HAPSTR1: variants seen among roughly 807,000 people sequenced by gnomAD.
The protein encoded by HAPSTR1 is HUWE1 associated protein modifying stress responses.
chr16:9,109,378 A>C, the HAPSTR1 span: 1 of 152,236 alleles, frequency 6.6e-6, no homozygotes, highest in East Asian at 1.9e-4. Flanking sequence ...GTCAGACTTC[A>C]CTCGGTATGT....
the HAPSTR1 span, chr16:9,091,683 G>T: frequency 8.7e-3 from 3,466 of 399,278 alleles, 100 homozygotes; most frequent in African/African-American, 0.063. Flanking sequence ...AGGCCGAGCT[G>T]CGCGGAGGGC....
chr16:9,096,558 A>G, the HAPSTR1 span, among the ~76,000 whole-genome samples: 5 of 152,192 alleles, frequency 3.3e-5, no homozygotes, highest in African/African-American at 1.2e-4. Flanking sequence ...AGAACTGAGC[A>G]TAACTGTAAA....
chr16:9,099,543 T>G, the HAPSTR1 span, among the ~76,000 whole-genome samples: 1 of 152,220 alleles, frequency 6.6e-6, no homozygotes, highest in Non-Finnish European at 1.5e-5. Context: ...GGTTAAAGGT[T>G]AGATTGACAT....
chr16:9,117,915 A>T, the HAPSTR1 span: 1 of 152,606 alleles, frequency 6.6e-6, no homozygotes, highest in Non-Finnish European at 1.5e-5. Context: ...TAATAATGTG[A>T]TTGCAACTTA....
the HAPSTR1 span, chr16:9,092,816 C>T: frequency 1.1e-5 from 14 of 1,222,748 alleles, 1 homozygote; most frequent in East Asian, 1.5e-4. Flanking sequence ...TATGGCCGTT[C>T]CGGAGTGATT....
At chr16:9,092,022 G>C in the HAPSTR1 span, 17 of 1,484,674 alleles carry the variant, frequency 1.1e-5, no homozygotes, top group African/African-American at 1.5e-5. Context: ...CGGTGGCGGC[G>C]AGGCCGCGGG....
At chr16:9,092,893 T>TTTTTTTTTTTTTTTTGG in the HAPSTR1 span, 1 of 477,090 alleles carries the variant, frequency 2.1e-6, no homozygotes, top group Admixed American at 4.7e-5. Flanking sequence ...TTCTTTTTGG[T>TTTTTTTTTTTTTTTTGG]TTTTTTTTTT....
At chr16:9,102,591 A>G in the HAPSTR1 span, among the ~76,000 whole-genome samples, 1 of 152,224 alleles carries the variant, frequency 6.6e-6, no homozygotes, top group Non-Finnish European at 1.5e-5. Flanking sequence ...TGAATCTGTC[A>G]GTAGGAATGT....
chr16:9,104,024 A>G, the HAPSTR1 span: 1 of 152,160 alleles, frequency 6.6e-6, no homozygotes, highest in East Asian at 1.9e-4. Flanking sequence ...AAGCAACAGA[A>G]TAATAAGACT....
the HAPSTR1 span, chr16:9,102,938 C>G: frequency 1.3e-6 from 2 of 1,583,176 alleles, no homozygotes; most frequent in East Asian, 2.2e-5. Flanking sequence ...GGAATACGGG[C>G]TCTAATGGTC....
At chr16:9,098,545 C>T in the HAPSTR1 span, among the ~76,000 whole-genome samples, 1 of 152,060 alleles carries the variant, frequency 6.6e-6, no homozygotes, top group South Asian at 2.1e-4. Context: ...GTTGGAGTGC[C>T]AGGGCTCACA....
the HAPSTR1 span, chr16:9,102,882 C>G: frequency 1.6e-6 from 2 of 1,224,672 alleles, no homozygotes; most frequent in Non-Finnish European, 2.3e-6. Context: ...GAGGCCACAT[C>G]ATGGTATTCA....
the HAPSTR1 span, among the ~76,000 whole-genome samples, chr16:9,095,585 C>G: frequency 1.3e-5 from 2 of 151,846 alleles, no homozygotes; most frequent in African/African-American, 4.8e-5. Flanking sequence ...TTGATAACTA[C>G]CAAGAAGTTC....
the HAPSTR1 span, among the ~76,000 whole-genome samples, chr16:9,097,269 G>A: frequency 6.6e-6 from 1 of 150,730 alleles, no homozygotes; most frequent in East Asian, 1.9e-4. Flanking sequence ...TTGAGACAGG[G>A]TCTCATTCTG....
the HAPSTR1 span, chr16:9,091,910 G>A: frequency 2.9e-6 from 2 of 695,628 alleles, no homozygotes; most frequent in Admixed American, 8.9e-5. Context: ...CAGGAGGCCT[G>A]GGCCGCTGAA....
the HAPSTR1 span, among the ~76,000 whole-genome samples, chr16:9,115,878 G>C: frequency 6.6e-6 from 1 of 152,142 alleles, no homozygotes; most frequent in East Asian, 1.9e-4. Context: ...CCAAAGTGCT[G>C]GGATTACAGG....
At chr16:9,096,687 G>A in the HAPSTR1 span, among the ~76,000 whole-genome samples, 1 of 152,168 alleles carries the variant, frequency 6.6e-6, no homozygotes, top group Non-Finnish European at 1.5e-5. Context: ...CTGAGTTTGA[G>A]ACTTTGTTCA....
the HAPSTR1 span, chr16:9,105,560 A>C: frequency 6.6e-6 from 1 of 152,238 alleles, no homozygotes; most frequent in African/African-American, 2.4e-5. Context: ...CTAGTAACAT[A>C]GATTAGTGAC....
chr16:9,117,101 C>T, the HAPSTR1 span: 1 of 771,966 alleles, frequency 1.3e-6, no homozygotes, highest in Non-Finnish European at 2.0e-6. Context: ...TTATGGCTTT[C>T]TTAAAACTAT....
Sources: allele counts gnomAD v4.1 joint callset (sites outside exome capture counted in the v4.1 genomes callset), GRCh38; gene constraint gnomAD v4.1.1; transcripts MANE v1.5; gene names NCBI Gene and HGNC (gene_info 2026-07-23, HGNC 2026-07-21).